The following TRMT10B variants were observed in gnomAD, a reference collection of about 807,000 sequenced individuals.
The protein encoded by TRMT10B is tRNA methyltransferase 10B, also known as tRNA methyltransferase 10 homolog B.
TRMT10B carries 33 observed loss-of-function variants against 43.8 expected under a neutral mutation model. The observed-to-expected ratio is 0.75, with a 90% CI of 0.57 to 1.01. The LOEUF (loss-of-function observed/expected upper bound fraction) is 1.01, where lower values mean the gene tolerates loss of function less well. Among genes scored for constraint, TRMT10B ranks in the 50% least tolerant of loss-of-function variants. The pLI, the probability that TRMT10B is intolerant of heterozygous loss-of-function variation, is 0.00. For missense variants in TRMT10B, 362 were observed against 369.8 expected, an observed-to-expected ratio of 0.98 and a Z score of 0.17; for synonymous variants, 137 against 130.6, an observed-to-expected ratio of 1.05 and a Z score of -0.34.
At chr9:37,752,935 GTGCTTTGTTCTTTGTAATAAATCTTGT>G (rs1438572611), upstream of TRMT10B, among the ~76,000 whole-genome samples, 2 of 152,160 alleles carry the variant, frequency 1.3e-5, no homozygotes, top group Non-Finnish European at 2.9e-5. Context: ...TGGACTGTGG[GTGCTTTGTTCTTTGTAATAAATCTTGT>G]TGCTTGCTAA....
At chr9:37,753,019 A>G (rs897219757), upstream of TRMT10B, among the ~76,000 whole-genome samples, 6 of 152,088 alleles carry the variant, frequency 3.9e-5, no homozygotes, top group South Asian at 4.1e-4. Flanking sequence ...CTCGCCGTGA[A>G]GATCTGTATT....
chr9:37,761,294 C>T (rs1290835804), intron 1 of TRMT10B, among the ~76,000 whole-genome samples: 1 of 152,182 alleles, frequency 6.6e-6, no homozygotes, highest in Non-Finnish European at 1.5e-5. Flanking sequence ...ACCCTCAAAT[C>T]ATATCATGCA....
At chr9:37,763,143 C>CAAAAAAAAAAAA (rs747893643) in intron 3 of TRMT10B, among the ~76,000 whole-genome samples, 6 of 50,170 alleles carry the variant, frequency 1.2e-4, no homozygotes, top group Admixed American at 2.4e-4. Flanking sequence ...GACTCTGTCT[C>CAAAAAAAAAAAA]AAAAAAAAAA....
intron 7 of TRMT10B, among the ~76,000 whole-genome samples, chr9:37,772,154 A>AGT (rs1827663507): frequency 6.6e-6 from 1 of 152,068 alleles, no homozygotes; most frequent in Non-Finnish European, 1.5e-5. Flanking sequence ...TGAGACTACA[A>AGT]GTGTGTGCCA....
chr9:37,771,661 TAATAC>T (rs1480232018), intron 7 of TRMT10B, among the ~76,000 whole-genome samples: 1 of 152,226 alleles, frequency 6.6e-6, no homozygotes, highest in Admixed American at 6.5e-5. Context: ...TTGTCACTCC[TAATAC>T]AATTGTTGAC....
At chr9:37,760,562 AT>A (rs1345727512) in intron 1 of TRMT10B, among the ~76,000 whole-genome samples, 1 of 152,208 alleles carries the variant, frequency 6.6e-6, no homozygotes, top group African/African-American at 2.4e-5. Context: ...TTGAATTCTT[AT>A]GTTTCATAGG....
intron 1 of TRMT10B, among the ~76,000 whole-genome samples, chr9:37,754,646 GC>G (rs1436487378): frequency 1.3e-5 from 2 of 152,116 alleles, no homozygotes; most frequent in African/African-American, 4.8e-5. Context: ...CAGCTGTCAT[GC>G]AAGGCAGGGT....
chr9:37,766,603 C>G (rs1157083600), intron 4 of TRMT10B, among the ~76,000 whole-genome samples: 2 of 152,096 alleles, frequency 1.3e-5, no homozygotes, highest in African/African-American at 4.8e-5. Context: ...TAGTTTTTTC[C>G]AAGTCTGTGA....
chr9:37,758,738 C>T (rs1361497632), intron 1 of TRMT10B, among the ~76,000 whole-genome samples: 1 of 152,090 alleles, frequency 6.6e-6, no homozygotes, highest in Non-Finnish European at 1.5e-5. Flanking sequence ...AACTATAAAA[C>T]TGGAGAAAGG....
intron 1 of TRMT10B, among the ~76,000 whole-genome samples, chr9:37,760,762 CA>C (rs1260170598): frequency 6.6e-6 from 1 of 152,082 alleles, no homozygotes; most frequent in Non-Finnish European, 1.5e-5. Flanking sequence ...ATACATGAAT[CA>C]TACTACATAG....
chr9:37,772,976 A>T (rs1241306101), intron 7 of TRMT10B, among the ~76,000 whole-genome samples: 1 of 152,264 alleles, frequency 6.6e-6, no homozygotes, highest in African/African-American at 2.4e-5. Context: ...ATTAAGTGAA[A>T]TTACAGATTT....
At chr9:37,765,248 G>C (rs187665280) in intron 4 of TRMT10B, among the ~76,000 whole-genome samples, 108 of 151,588 alleles carry the variant, frequency 7.1e-4, no homozygotes, top group African/African-American at 2.6e-3. Context: ...CCTTCCCCCC[G>C]TCCCCCGACC....
intron 8 of TRMT10B, 25 bp from the exon 9 acceptor site, chr9:37,777,574 CTG>C (rs775181935): frequency 7.7e-6 from 12 of 1,551,694 alleles, no homozygotes; most frequent in South Asian, 1.1e-5. Flanking sequence ...TCTGTGGTCA[CTG>C]TGTTTTCTGT....
intron 1 of TRMT10B, among the ~76,000 whole-genome samples, chr9:37,756,158 T>C (rs757349847): frequency 1.1e-4 from 16 of 152,178 alleles, no homozygotes; most frequent in Non-Finnish European, 2.4e-4. Flanking sequence ...CAGGTAAAAA[T>C]ACAAAATGCT....
intron 5 of TRMT10B, among the ~76,000 whole-genome samples, 192 bp downstream of exon 5, chr9:37,768,420 A>AGT (rs1164353751): frequency 6.6e-6 from 1 of 152,180 alleles, no homozygotes; most frequent in Non-Finnish European, 1.5e-5. Context: ...TACTGTTACC[A>AGT]GTGTCTAGGA....
At chr9:37,758,382 A>G (rs536227963) in intron 1 of TRMT10B, among the ~76,000 whole-genome samples, 12 of 152,354 alleles carry the variant, frequency 7.9e-5, no homozygotes, top group African/African-American at 2.6e-4. Flanking sequence ...ACTGCACCCC[A>G]GCCTGGGCAA....
At chr9:37,769,014 A>T (rs1360114020) in intron 5 of TRMT10B, among the ~76,000 whole-genome samples, 1 of 152,078 alleles carries the variant, frequency 6.6e-6, no homozygotes, top group Non-Finnish European at 1.5e-5. Flanking sequence ...TGTCAATATT[A>T]ATCTATTTTG....
chr9:37,759,788 G>A (rs1826131868), intron 1 of TRMT10B, among the ~76,000 whole-genome samples: 1 of 152,184 alleles, frequency 6.6e-6, no homozygotes, highest in Non-Finnish European at 1.5e-5. Flanking sequence ...CTGCATTCCA[G>A]CCTAGGCAAC....
In TRMT10B at chr9:37,772,335, A is replaced by T. The variant is rs115646837; in HGVS notation, c.720+1596A>T. Among the ~76,000 whole-genome samples, 1,130 of 151,734 alleles carry T rather than the reference A, an allele frequency of 7.4e-3. 21 individuals are homozygous for T. Among genetic ancestry groups the T allele is most frequent in the African/African-American group, 0.026 (1,077 of 41,386 alleles). ...GGCCTAGTTCTTAAATTTTTTTTTT[A>T]GAGACAGGGTCTCACTTTGTTGCCC... On this transcript the variant is annotated intron_variant, in intron 7 of 8. Coordinates refer to ENST00000297994, the MANE Select transcript of TRMT10B (RefSeq NM_144964.4).
Sources: allele counts gnomAD v4.1 joint callset (sites outside exome capture counted in the v4.1 genomes callset), GRCh38; gene constraint gnomAD v4.1.1; transcripts MANE v1.5; gene names NCBI Gene and HGNC (gene_info 2026-07-23, HGNC 2026-07-21).